The following WDR87 variants were observed in gnomAD, a reference collection of about 807,000 sequenced individuals.
WDR87 encodes WD repeat-containing protein 87.
A neutral mutation model predicts 83.3 loss-of-function variants in WDR87; 56 were observed. The ratio of observed to expected loss-of-function variants is 0.67; its 90% CI spans 0.54 to 0.84. The LOEUF is 0.84. Ranked by LOEUF, WDR87 falls within the 40% of genes least tolerant of loss-of-function variation. The pLI is 0.00. For synonymous variants in WDR87, 1,173 were observed against 1,250.6 expected (o/e 0.94, Z 1.31); for missense variants, 2,939 against 3,431.9 (o/e 0.86, Z 3.59).
Position 37,893,852 on chromosome 19 carries a change from G to C in WDR87, c.1851C>G (p.Ser617=). 6.4e-7 allele frequency: 1 copy of C among 1,551,922 alleles called. No individual in the cohort carries two copies. ...CAITSFDVCL[S]LSLFVTGSAD... Reference sequence around the variant, plus strand: ...CAGAACCTGTGACAAAAAGACTCAAGGAGAGGCAGACATCAAAGGATGTGA... The same window carrying C: ...CAGAACCTGTGACAAAAAGACTCAACGAGAGGCAGACATCAAAGGATGTGA... The change falls in exon 4 of 6, where the codon TCC becomes TCG. Residue 617 remains serine (S), a synonymous_variant. Coordinates refer to ENST00000447313, the MANE Select transcript of WDR87 (RefSeq NM_001291088.2).
chr19:37,885,548 G>A lies in WDR87; in HGVS notation c.8123C>T (p.Ala2708Val). 6.4e-7 allele frequency: 1 copy of A among 1,551,690 alleles called. No homozygotes were observed. The highest frequency in any genetic ancestry group is 8.7e-7 in the Non-Finnish European group (1 of 1,146,988). The part of the protein sequence containing the change: ...KEMEMQYFYP[A>V]TRDIFPSAHA... ...GGCACTTGGAAAAATGTCTCTGGTG[G>A]CAGGATAAAAGTATTGCATTTCCAT... Residue 2708 changes from alanine to valine, a missense_variant, in exon 6 of 6, where the codon GCC (alanine) becomes GTC (valine). By Grantham distance (64) the Ala-to-Val change is moderately conservative. Around this residue, in one of 3 missense-constraint regions of WDR87, gnomAD observed 2,160 missense variants for 2,533.1 expected, o/e 0.85. Coordinates refer to ENST00000447313, the MANE Select transcript of WDR87 (RefSeq NM_001291088.2).
At chr19:37,899,443 A>AAAAAG (rs1390619686) in intron 1 of WDR87, among the ~76,000 whole-genome samples, 3 of 151,420 alleles carry the variant, frequency 2.0e-5, no homozygotes, top group African/African-American at 7.3e-5. Flanking sequence ...AAAAGGAAAA[A>AAAAAG]AAAAGAAAAA....
intron 3 of WDR87, among the ~76,000 whole-genome samples, chr19:37,895,743 C>G (rs1048231167): frequency 8.2e-6 from 1 of 121,258 alleles, no homozygotes; most frequent in Non-Finnish European, 1.6e-5. Context: ...CTCCAGCCTG[C>G]GTGACAGAGC....
chr19:37,885,079 T>C lies in WDR87; in HGVS notation c.8592A>G (p.Val2864=), dbSNP rs1158434215. Residue 2864 remains valine (V), a synonymous_variant, in exon 6 of 6, where the codon GTA becomes GTG. Transcript: ENST00000447313. ...PRSPQEFQGA[V]PLPWQNCVRT... ...GCACACAGTTCTGCCATGGGAGGGGTACCGCACCCTGGAACTCCTGAGGAC... is the reference window on the plus strand; with the variant it reads ...GCACACAGTTCTGCCATGGGAGGGGCACCGCACCCTGGAACTCCTGAGGAC... 1 of 1,468,784 alleles carries C rather than the reference T, an allele frequency of 6.8e-7. No homozygotes were observed. Among genetic ancestry groups the C allele is most frequent in the African/African-American group, 1.4e-5 (1 of 70,258 alleles). 91.0% of individuals were successfully genotyped at this position (1,468,784 alleles called of 1,614,324 possible).
chr19:37,887,038 T>G lies in WDR87; in HGVS notation c.6633A>C (p.Ser2211=), dbSNP rs755376390. The G allele has an allele frequency of 3.2e-6, 5 of 1,552,070 alleles. No individual in the cohort carries two copies. The highest frequency in any genetic ancestry group is 3.3e-4 in the Middle Eastern group (2 of 5,998). ...CCTCTTCATCATCCAGTATGACTTC[T>G]GAATGCTTTCTGGCCAATTTGCTCT... ...EEESKLARKH[S]EVILDDEEEG... is the part of the protein sequence containing the mutation. The change falls in exon 6 of 6, where the codon TCA becomes TCC. Residue 2211 remains serine, a synonymous_variant. Transcript: ENST00000447313.
rs1423501662 is a variant in WDR87 at position 37,890,030 on chromosome 19, AT to A, written c.3640del (p.Ile1214TyrfsTer28). 1.5e-5 allele frequency: 23 copies of A among 1,551,188 alleles called. No homozygotes were observed. The East Asian group carries it at 5.4e-4, about 36-fold the overall frequency. ...TGCTTTCTTGTCTCTTTTGTCACGT[AT>A]TTTCTGCAGCCTCTTCAGGGTCAAT... ...IALTLKRLQK[I>X]RDKRDKKATA... On this transcript the variant is annotated frameshift_variant, in exon 6 of 6. Transcript: ENST00000447313. LOFTEE classifies it low-confidence loss of function (END_TRUNC).
Position 37,896,171 on chromosome 19 carries a change from G to A in WDR87, c.213C>T (p.Leu71=). 1 of 1,552,356 alleles carries A rather than the reference G, an allele frequency of 6.4e-7. No homozygotes were observed. Among genetic ancestry groups the A allele is most frequent in the Non-Finnish European group, 8.7e-7 (1 of 1,147,126 alleles). ...CTTTTGTGTTTGATGTCACCCAAGA[G>A]AGGGAGGCGAAGAAGTGGGCATCAC... The part of the protein sequence containing the change: ...YFSDAHFFAS[L]SWVTSNTKEI... Residue 71 remains leucine, a synonymous_variant, in exon 3 of 6, where the codon CTC becomes CTT. Coordinates refer to ENST00000447313, the MANE Select transcript of WDR87 (RefSeq NM_001291088.2).
Position 37,887,225 on chromosome 19 carries a change from C to T in WDR87, c.6446G>A (p.Arg2149Lys), listed in dbSNP as rs1404651586. Residue 2149 changes from arginine (R) to lysine (K), a missense_variant, in exon 6 of 6, where the codon AGG becomes AAG. By Grantham distance (26) the Arg-to-Lys change is conservative. Coordinates refer to ENST00000447313, the MANE Select transcript of WDR87 (RefSeq NM_001291088.2). The part of the protein sequence containing the change: ...MKRALFVKER[R>K]LSIEQSKLDI... The stretch of plus-strand genomic sequence containing the variant: ...CAGCTTACTCTGTTCTATACTCAAC[C>T]TGCGCTCCTTAACAAAGAGTGCCCT... The T allele has an allele frequency of 6.4e-7, 1 of 1,551,904 alleles. No individual in the cohort carries two copies. Among genetic ancestry groups the T allele is most frequent in the Non-Finnish European group, 8.7e-7 (1 of 1,147,050 alleles).
chr19:37,887,764 C>A lies in WDR87; in HGVS notation c.5907G>T (p.Leu1969Phe). 2 of 1,552,084 alleles carry A rather than the reference C, an allele frequency of 1.3e-6. No individual in the cohort carries two copies. Among genetic ancestry groups the A allele is most frequent in the African/African-American group, 2.7e-5 (2 of 73,134 alleles). The change falls in exon 6 of 6, where the codon TTG (leucine) becomes TTT (phenylalanine). Residue 1969 changes from leucine to phenylalanine, a missense_variant. Around this residue, in one of 3 missense-constraint regions of WDR87, gnomAD observed 2,160 missense variants for 2,533.1 expected, o/e 0.85. Transcript: ENST00000447313. ...GAGCTAATTTCATTTTTTCCTGGGCCAATTTCTCCTGTTTTTTGGCCAAAC... is the reference window on the plus strand; with the variant it reads ...GAGCTAATTTCATTTTTTCCTGGGCAAATTTCTCCTGTTTTTTGGCCAAAC... ...EDSLAKKQEK[L>F]AQEKMKLALE...
chr19:37,892,098 G>T (rs556437583), intron 4 of WDR87, among the ~76,000 whole-genome samples: 1 of 152,282 alleles, frequency 6.6e-6, no homozygotes, highest in Admixed American at 6.5e-5. Flanking sequence ...AATGGAGAAA[G>T]GAGTGAGCAG....
At chr19:37,901,213 A>G (rs1185325825) in intron 1 of WDR87, among the ~76,000 whole-genome samples, 1 of 151,428 alleles carries the variant, frequency 6.6e-6, no homozygotes, top group African/African-American at 2.4e-5. Context: ...TGGGTGGATC[A>G]TGAGGTCAGG....
In WDR87 at chr19:37,895,474, G is replaced by A; in HGVS notation, c.247-18C>T. 1 of 1,544,302 alleles carries A rather than the reference G, an allele frequency of 6.5e-7. No homozygotes were observed. Among genetic ancestry groups the A allele is most frequent in the Non-Finnish European group, 8.8e-7 (1 of 1,142,654 alleles). On this transcript the variant is annotated intron_variant, in intron 3 of 5. Coordinates refer to ENST00000447313, the MANE Select transcript of WDR87 (RefSeq NM_001291088.2). ...GCTACAGCCTAGAAGAGAATAAGAA[G>A]GAAACTGCCTAGGCCGGGTGAGGTG...
At position 37,893,750 on chromosome 19, in the gene WDR87, T is replaced by G. The variant is rs748006793; in HGVS notation, c.1953A>C (p.Pro651=). 14 of 1,551,546 alleles carry G rather than the reference T, an allele frequency of 9.0e-6. No homozygotes were observed. Among genetic ancestry groups the G allele is most frequent in the Non-Finnish European group, 1.2e-5 (14 of 1,147,010 alleles). The change falls in exon 4 of 6, where the codon CCA becomes CCC. Residue 651 remains proline, a synonymous_variant. Transcript: ENST00000447313. ...GILDSSLHFG[P]VCFANDRGDL... ...CACCCCGGTCATTTGCAAAACAGAC[T>G]GGGCCAAAGTGCAGTGATGAGTCCA...
chr19:37,905,231 C>CAA (rs556366437), intron 1 of WDR87, among the ~76,000 whole-genome samples: 3 of 64,000 alleles, frequency 4.7e-5, no homozygotes, highest in African/African-American at 1.1e-4. Flanking sequence ...ACTCCGTCTC[C>CAA]AAAAAAAAAA....
chr19:37,893,131 A>G lies in WDR87; in HGVS notation c.2572T>C (p.Ser858Pro), dbSNP rs2055452172. The G allele has an allele frequency of 6.4e-7, 1 of 1,551,798 alleles. No individual in the cohort carries two copies. Among genetic ancestry groups the G allele is most frequent in the Non-Finnish European group, 8.7e-7 (1 of 1,147,026 alleles). Residue 858 changes from serine to proline, a missense_variant, in exon 4 of 6, where the codon TCT becomes CCT. Physicochemically the swap from Ser to Pro is moderately conservative, Grantham distance 74. Transcript: ENST00000447313. ...APQRELEWDR[S>P]QEFFFWHSRV... is the part of the protein sequence containing the mutation. ...CTGTGCCAGAAAAAGAATTCTTGAG[A>G]CCTGTCCCATTCCAGCTCCCGCTGG...
chr19:37,898,931 T>C (rs752863481), intron 1 of WDR87, among the ~76,000 whole-genome samples: 10 of 152,036 alleles, frequency 6.6e-5, no homozygotes, highest in Non-Finnish European at 1.5e-4. Context: ...TGGTGGGAAG[T>C]TGTTAAAAAT....
intron 1 of WDR87, among the ~76,000 whole-genome samples, chr19:37,906,203 G>C (rs1329506770): frequency 2.0e-5 from 3 of 152,080 alleles, no homozygotes; most frequent in African/African-American, 7.2e-5. Flanking sequence ...TGTGTTGCGG[G>C]GTATTCCGCT....
rs760294537 is a variant in WDR87 at position 37,892,773 on chromosome 19, C to T, written c.2930G>A (p.Arg977Gln). The change falls in exon 4 of 6, where the codon CGA becomes CAA. Residue 977 changes from arginine (R) to glutamine (Q), a missense_variant. This residue lies in a region of WDR87 where 2,160 missense variants were observed against 2,533.1 expected (regional missense o/e 0.85). Coordinates refer to ENST00000447313, the MANE Select transcript of WDR87 (RefSeq NM_001291088.2). ...CTTCAGCCCTTCCCAAGCTAGTTCT[C>T]GGATCAGCGGGTTGGAATTGGTTGT... is the stretch of plus-strand genomic sequence containing the variant. ...NDTTNSNPLI[R>Q]ELAWEGLKRL... The T allele has an allele frequency of 6.8e-5, 105 of 1,551,546 alleles. No individual in the cohort carries two copies. The East Asian group carries it at 1.1e-3, about 16-fold the overall frequency.
At chr19:37,902,514 G>A (rs1368221348) in intron 1 of WDR87, among the ~76,000 whole-genome samples, 1 of 152,150 alleles carries the variant, frequency 6.6e-6, no homozygotes. Context: ...CACCATGCCC[G>A]GCTGATTGTT....
Sources: allele counts gnomAD v4.1 joint callset (sites outside exome capture counted in the v4.1 genomes callset), GRCh38; gene constraint gnomAD v4.1.1; regional missense constraint gnomAD v4.1.1; transcripts MANE v1.5; gene names NCBI Gene and HGNC (gene_info 2026-07-23, HGNC 2026-07-21).